TTC12: variants seen among roughly 807,000 people sequenced by gnomAD.
The protein encoded by TTC12 is tetratricopeptide repeat protein 12.
TTC12 carries 70 observed loss-of-function variants against 90.1 expected under a neutral mutation model. The observed-to-expected ratio is 0.78, with a 90% CI of 0.64 to 0.95. The LOEUF is 0.95. TTC12 is among the 40% of genes least tolerant of loss of function. The pLI is 0.00. For synonymous variants in TTC12, 296 were observed against 311.5 expected (o/e 0.95, Z 0.53); for missense variants, 819 against 846.1 (o/e 0.97, Z 0.40).
chr11:113,363,215 G>A (rs962137186), intron 19 of TTC12, among the ~76,000 whole-genome samples: 3 of 152,188 alleles, frequency 2.0e-5, no homozygotes, highest in African/African-American at 7.2e-5. Context: ...GGCAGCACAG[G>A]GGGTCTGAGT....
In TTC12 at chr11:113,362,485, A is replaced by G. The variant is rs782088180; in HGVS notation, c.1699A>G (p.Met567Val). 61 of 1,611,882 alleles carry G rather than the reference A, an allele frequency of 3.8e-5. No individual in the cohort carries two copies. In the East Asian group the frequency reaches 1.3e-3, roughly 35 times the overall value. ...EALRAGVVKK[M>V]MKFLKTGGET... Reference sequence around the variant, plus strand: ...CTTGCGAGCAGGAGTGGTAAAGAAAATGATGAAATTCCTGAAGGTAAGATC... The same window carrying G: ...CTTGCGAGCAGGAGTGGTAAAGAAAGTGATGAAATTCCTGAAGGTAAGATC... Residue 567 changes from methionine (M) to valine (V), a missense_variant, in exon 19 of 22, where the codon ATG (methionine) becomes GTG (valine). By Grantham distance (21) the Met-to-Val change is conservative. Transcript: ENST00000529221.
chr11:113,339,439 G>A lies in TTC12; in HGVS notation c.791G>A (p.Gly264Glu), dbSNP rs1948563816. 5.0e-6 allele frequency: 8 copies of A among 1,612,162 alleles called. No homozygotes were observed. Among genetic ancestry groups the A allele is most frequent in the Non-Finnish European group, 6.8e-6 (8 of 1,179,540 alleles). Reference sequence around the variant, plus strand: ...GACCAGATCCCCTTGTTCTATGCTGGGGGGATTGAGATCCTGACTGAAATG... The same window carrying A: ...GACCAGATCCCCTTGTTCTATGCTGAGGGGATTGAGATCCTGACTGAAATG... The part of the protein sequence containing the change: ...KPDQIPLFYA[G>E]GIEILTEMIN... Residue 264 changes from glycine (G) to glutamate (E), a missense_variant, in exon 10 of 22, where the codon GGG becomes GAG. Physicochemically the swap from Gly to Glu is moderately conservative, Grantham distance 98. Coordinates refer to ENST00000529221, the MANE Select transcript of TTC12 (RefSeq NM_017868.4).
downstream of TTC12, chr11:113,366,497 C>G: frequency 1.1e-6 from 1 of 870,008 alleles, no homozygotes; most frequent in Non-Finnish European, 1.7e-6. Context: ...CACTGGCTTA[C>G]TCGACTTCCA....
chr11:113,344,954 A>G (rs988443578), intron 13 of TTC12, among the ~76,000 whole-genome samples: 83 of 152,338 alleles, frequency 5.4e-4, no homozygotes, highest in Non-Finnish European at 8.8e-5. Context: ...CCCTAAGTAG[A>G]CTTTCTAGAA....
rs782524295 is a variant in TTC12 at position 113,325,473 on chromosome 11, G to A, written c.323-51G>A. On this transcript the variant is annotated intron_variant, in intron 5 of 21. Transcript: ENST00000529221. ...AAAATCGGGGGAATAAAGTCTGAGA[G>A]ATTTTCTGATGTGTGGTGAGAGCTC... The A allele has an allele frequency of 4.4e-6, 7 of 1,600,348 alleles. No homozygotes were observed. In the Admixed American group the frequency reaches 1.2e-4, roughly 28 times the overall value.
At position 113,352,069 on chromosome 11, in the gene TTC12, G is replaced by A; in HGVS notation, c.1309-1G>A. 1 of 1,613,384 alleles carries A rather than the reference G, an allele frequency of 6.2e-7. No homozygotes were observed. ...TCTGCCTTCTCTCAATTCTCATTTA[G>A]AAGACAGATCCCAAGGTAAGCAGCT... On this transcript the variant is annotated splice_acceptor_variant, in intron 15 of 21. Transcript: ENST00000529221. LOFTEE classifies it high-confidence loss of function.
intron 15 of TTC12, 49 bp from the exon 16 acceptor site, chr11:113,352,021 A>C: frequency 6.3e-7 from 1 of 1,598,296 alleles, no homozygotes; most frequent in Non-Finnish European, 8.5e-7. Flanking sequence ...ATCATGCGGC[A>C]TCCTTTGCCT....
chr11:113,340,552 G>T (rs897490792), intron 10 of TTC12, 112 bp from the exon 11 acceptor site: 88 of 758,596 alleles, frequency 1.2e-4, no homozygotes, highest in Non-Finnish European at 2.0e-4. Flanking sequence ...CCATTCACGT[G>T]GGTACCGTGG....
At chr11:113,327,348 A>G (rs1249656449) in intron 6 of TTC12, among the ~76,000 whole-genome samples, 1 of 152,210 alleles carries the variant, frequency 6.6e-6, no homozygotes, top group African/African-American at 2.4e-5. Flanking sequence ...GGTGTTACAA[A>G]CCGTTTGAAC....
intron 15 of TTC12, 52 bp from the exon 16 acceptor site, chr11:113,352,018 G>A (rs563473418): frequency 8.8e-6 from 14 of 1,593,944 alleles, no homozygotes; most frequent in South Asian, 4.5e-5. Flanking sequence ...GAGATCATGC[G>A]GCATCCTTTG....
chr11:113,339,197 C>A, intron 9 of TTC12, 89 bp from the exon 10 acceptor site: 1 of 1,142,432 alleles, frequency 8.8e-7, no homozygotes, highest in Non-Finnish European at 1.2e-6. Context: ...AACTCCCATC[C>A]TCAAAAGAAA....
intron 2 of TTC12, among the ~76,000 whole-genome samples, chr11:113,320,683 G>A (rs1052586971): frequency 2.0e-5 from 3 of 152,232 alleles, no homozygotes; most frequent in Non-Finnish European, 2.9e-5. Flanking sequence ...GCAGATGTCC[G>A]TCAAGCTGGT....
chr11:113,371,368 T>G (rs1173024892), downstream of TTC12: 3 of 152,226 alleles, frequency 2.0e-5, no homozygotes, highest in African/African-American at 7.2e-5. Context: ...TTCTTAAAAT[T>G]TGTATTATTT....
chr11:113,364,040 C>G, intron 20 of TTC12, 113 bp downstream of exon 20: 1 of 683,352 alleles, frequency 1.5e-6, no homozygotes, highest in African/African-American at 1.8e-5. Context: ...TTAACCTCTC[C>G]CAGACTTCAG....
At position 113,362,396 on chromosome 11, in the gene TTC12, C is replaced by T. The variant is rs782811868; in HGVS notation, c.1615-5C>T. The T allele has an allele frequency of 1.9e-6, 3 of 1,608,404 alleles. No individual in the cohort carries two copies. Among genetic ancestry groups the T allele is most frequent in the Non-Finnish European group, 1.7e-6 (2 of 1,174,828 alleles). ...ATTTAATTATCCTCTTTCTGCTGTA[C>T]TCAGAGAGCTGCTGGTGTTCTGAGC... On this transcript the variant is annotated splice_polypyrimidine_tract_variant and splice_region_variant and intron_variant, in intron 18 of 21. Transcript: ENST00000529221.
rs782125115 is a variant in TTC12 at position 113,344,300 on chromosome 11, C to CCA, written c.1015_1016dup (p.Asp340MetfsTer38). 1 of 1,613,976 alleles carries CCA rather than the reference C, an allele frequency of 6.2e-7. No individual in the cohort carries two copies. Among genetic ancestry groups the CCA allele is most frequent in the Non-Finnish European group, 8.5e-7 (1 of 1,179,914 alleles). ...AAAACCAGCGTGTGCTAGTGATACACCATGACAGGGCCAGGCTGTTGGCCG... is the reference window on the plus strand; with the variant it reads ...AAAACCAGCGTGTGCTAGTGATACACCACATGACAGGGCCAGGCTGTTGGCCG... On this transcript the variant is annotated frameshift_variant, in exon 13 of 22. Coordinates refer to ENST00000529221, the MANE Select transcript of TTC12 (RefSeq NM_017868.4). LOFTEE classifies it high-confidence loss of function.
chr11:113,340,688 T>G lies in TTC12; in HGVS notation c.851T>G (p.Met284Arg), dbSNP rs554680182. The change falls in exon 11 of 22, where the codon ATG (methionine) becomes AGG (arginine). Residue 284 changes from methionine (M) to arginine (R), a missense_variant. Physicochemically the swap from Met to Arg is moderately conservative, Grantham distance 91. Transcript: ENST00000529221. ...NECTEQTLFR[M>R]HNGFSIISDN... The stretch of plus-strand genomic sequence containing the variant: ...GGCACAGAACAAACTTTATTCAGAA[T>G]GCACAATGGATTTAGTATCATCAGT... 16 of 1,614,014 alleles carry G rather than the reference T, an allele frequency of 9.9e-6. No individual in the cohort carries two copies. The highest frequency in any genetic ancestry group is 1.3e-5 in the Non-Finnish European group (15 of 1,179,978).
At chr11:113,344,233 G>T in intron 12 of TTC12, 39 bp from the exon 13 acceptor site, 1 of 1,578,072 alleles carries the variant, frequency 6.3e-7, no homozygotes, top group South Asian at 1.2e-5. Context: ...TAATTGCCAT[G>T]ATGGCATGCA....
At chr11:113,371,231 C>T (rs943751989), downstream of TTC12, among the ~76,000 whole-genome samples, 4 of 152,098 alleles carry the variant, frequency 2.6e-5, no homozygotes, top group African/African-American at 9.7e-5. Flanking sequence ...ATGCTCAGGT[C>T]CCCTATATGA....
Sources: gnomAD v4.1 joint callset for allele counts (sites outside exome capture counted in the v4.1 genomes callset) on GRCh38, gnomAD v4.1.1 for gene constraint, MANE v1.5 for transcripts, NCBI Gene and HGNC (gene_info 2026-07-23, HGNC 2026-07-21) for gene names.